The following ZNF395 variants were observed in gnomAD, a reference collection of about 807,000 sequenced individuals.
The protein encoded by ZNF395 is zinc finger protein 395, also known as HD gene regulatory region-binding protein 2.
A neutral mutation model predicts 57.7 loss-of-function variants in ZNF395; 20 were observed. The observed-to-expected ratio is 0.35, with a 90% CI of 0.24 to 0.50. The LOEUF (loss-of-function observed/expected upper bound fraction) is 0.50, where lower values mean the gene tolerates loss of function less well. ZNF395 is among the 20% of genes least tolerant of loss of function. The pLI is 0.97. For missense variants in ZNF395, 606 were observed against 671.2 expected, an observed-to-expected ratio of 0.90 and a Z score of 1.07; for synonymous variants, 295 against 275.9, an observed-to-expected ratio of 1.07 and a Z score of -0.69.
chr8:28,364,320 G>C (rs1484373178), intron 1 of ZNF395, among the ~76,000 whole-genome samples: 1 of 152,212 alleles, frequency 6.6e-6, no homozygotes, highest in South Asian at 2.1e-4. Flanking sequence ...TCATCAACTT[G>C]GTGTTTTTTT....
At position 28,348,491 on chromosome 8, in the gene ZNF395, G is replaced by A; in HGVS notation, c.*228C>T. On this transcript the variant is annotated 3_prime_UTR_variant, in exon 10 of 10. Transcript: ENST00000344423. ...TGCTGAATAGCCTTGGTCAGTTTTG[G>A]CTCTCTCCTATTTTAGGGGGAAAAA... The A allele has an allele frequency of 4.0e-6, 2 of 494,026 alleles. No individual in the cohort carries two copies. The highest frequency in any genetic ancestry group is 2.0e-5 in the South Asian group (1 of 48,834). 30.6% of individuals were successfully genotyped at this position (494,026 alleles called of 1,614,324 possible). A position where few individuals can be genotyped will look rare whatever the true frequency, so the allele number is the denominator to read the frequency against.
rs1327174473 is a variant in ZNF395 at position 28,371,421 on chromosome 8, T to C, written c.-58-10239A>G. ...TTCTCGAATTCCTGGGCTCAATCGATCCTCCTGCCTCGGCCTTCTAAAGTG... is the reference window on the plus strand; with the variant it reads ...TTCTCGAATTCCTGGGCTCAATCGACCCTCCTGCCTCGGCCTTCTAAAGTG... On this transcript the variant is annotated intron_variant, in intron 1 of 9. Transcript: ENST00000344423. 5.3e-5 allele frequency among the ~76,000 whole-genome samples: 8 copies of C among 152,274 alleles called. No homozygotes were observed. In the South Asian group the frequency reaches 1.7e-3, roughly 32 times the overall value.
At chr8:28,364,653 CA>C (rs1221074238) in intron 1 of ZNF395, among the ~76,000 whole-genome samples, 2,151 of 44,138 alleles carry the variant, frequency 0.049, 24 homozygotes, top group African/African-American at 0.15. Context: ...GACTCCGTCT[CA>C]AAAAAAAAAA....
intron 1 of ZNF395, among the ~76,000 whole-genome samples, chr8:28,371,429 C>T (rs542158048): frequency 1.3e-5 from 2 of 152,338 alleles, no homozygotes; most frequent in African/African-American, 4.8e-5. Context: ...GATCCTCCTG[C>T]CTCGGCCTTC....
At chr8:28,384,216 G>A in intron 1 of ZNF395, among the ~76,000 whole-genome samples, 1 of 152,214 alleles carries the variant, frequency 6.6e-6, no homozygotes, top group South Asian at 2.1e-4. Context: ...TGTCTCCTTA[G>A]GACACACAGG....
chr8:28,350,235 G>T, intron 7 of ZNF395, 79 bp from the exon 8 acceptor site: 2 of 1,212,670 alleles, frequency 1.6e-6, no homozygotes, highest in South Asian at 1.4e-5. Context: ...ACAGCCTCAT[G>T]ACAGCAGCAG....
rs571284552 is a variant in ZNF395 at position 28,348,681 on chromosome 8, C to T, written c.*38G>A. On this transcript the variant is annotated 3_prime_UTR_variant, in exon 10 of 10. Transcript: ENST00000344423. ...ACACTGGCCTCTTGTCAGTGGCTGCCGGCAGGGCCAGGAACAGAGTAGAAC... is the reference window on the plus strand; with the variant it reads ...ACACTGGCCTCTTGTCAGTGGCTGCTGGCAGGGCCAGGAACAGAGTAGAAC... 6.9e-6 allele frequency: 11 copies of T among 1,587,408 alleles called. No individual in the cohort carries two copies. Among genetic ancestry groups the T allele is most frequent in the Middle Eastern group, 1.7e-4 (1 of 6,022 alleles).
intron 1 of ZNF395, among the ~76,000 whole-genome samples, chr8:28,370,319 T>C (rs76026562): frequency 0.012 from 1,820 of 152,226 alleles, 38 homozygotes; most frequent in African/African-American, 0.041. Context: ...AAGATTTAAA[T>C]ACATAGTGGA....
chr8:28,364,905 T>C (rs1363581759), intron 1 of ZNF395, among the ~76,000 whole-genome samples: 2 of 152,248 alleles, frequency 1.3e-5, no homozygotes, highest in African/African-American at 2.4e-5. Flanking sequence ...CGCTTTAATC[T>C]GACCCTGTTA....
chr8:28,349,143 C>T lies in ZNF395; in HGVS notation c.1412G>A (p.Arg471Gln), dbSNP rs1377553927. 11 of 1,565,544 alleles carry T rather than the reference C, an allele frequency of 7.0e-6. No homozygotes were observed. Among genetic ancestry groups the T allele is most frequent in the Non-Finnish European group, 8.6e-6 (10 of 1,157,524 alleles). Residue 471 changes from arginine (R) to glutamine (Q), a missense_variant, in exon 9 of 10, where the codon CGG (arginine) becomes CAG (glutamine). Coordinates refer to ENST00000344423, the MANE Select transcript of ZNF395 (RefSeq NM_018660.3). ...ATCTCACCTGGCACCACTCTGGGCC[C>T]GGGGTGGAGAAGTGACGATCAGATG... is the stretch of plus-strand genomic sequence containing the variant. ...KSHLIVTSPP[R>Q]AQSGARKARG...
Position 28,361,042 on chromosome 8 carries a change from G to T in ZNF395, c.83C>A (p.Pro28His), listed in dbSNP as rs567392574. ...TGGCTCCGAGGGTGGGGCAGCCGAG[G>T]GCCCCTCCGAGGCACTGGGTCCCAA... The part of the protein sequence containing the change: ...RVLGPSASEG[P>H]SAAPPSEPLL... The change falls in exon 2 of 10, where the codon CCC becomes CAC. Residue 28 changes from proline to histidine, a missense_variant. By Grantham distance (77) the Pro-to-His change is moderately conservative. Coordinates refer to ENST00000344423, the MANE Select transcript of ZNF395 (RefSeq NM_018660.3). 85 of 1,609,928 alleles carry T rather than the reference G, an allele frequency of 5.3e-5. No homozygotes were observed. In the South Asian group the frequency reaches 8.5e-4, roughly 16 times the overall value.
chr8:28,370,060 A>C (rs1159508033), intron 1 of ZNF395, among the ~76,000 whole-genome samples: 1 of 152,274 alleles, frequency 6.6e-6, no homozygotes, highest in East Asian at 1.9e-4. Context: ...AAAATGAAAA[A>C]AACATTCAGC....
At chr8:28,372,255 T>C (rs1014656740) in intron 1 of ZNF395, among the ~76,000 whole-genome samples, 4 of 152,068 alleles carry the variant, frequency 2.6e-5, no homozygotes, top group Non-Finnish European at 5.9e-5. Flanking sequence ...CTCCCCTTCC[T>C]AGAGATTCTG....
At chr8:28,369,794 A>T (rs540358273) in intron 1 of ZNF395, among the ~76,000 whole-genome samples, 74 of 152,374 alleles carry the variant, frequency 4.9e-4, no homozygotes, top group African/African-American at 1.8e-3. Flanking sequence ...CCAGAGCAGA[A>T]AAAGCCCAGC....
At chr8:28,358,754 T>G (rs1449677552) in intron 3 of ZNF395, among the ~76,000 whole-genome samples, 1 of 152,196 alleles carries the variant, frequency 6.6e-6, no homozygotes, top group Non-Finnish European at 1.5e-5. Flanking sequence ...AAGAAGGATA[T>G]AATTTCTTGA....
chr8:28,376,158 AGAGATGGGGTTT>A (rs1802037780), intron 1 of ZNF395, among the ~76,000 whole-genome samples: 1 of 151,826 alleles, frequency 6.6e-6, no homozygotes. Flanking sequence ...TATTTTTTAT[AGAGATGGGGTTT>A]CACCATGTTG....
rs1310418300 is a variant in ZNF395 at position 28,350,675 on chromosome 8, TAAGCGGCC to T, written c.1234-527_1234-520del. 2.6e-5 allele frequency among the ~76,000 whole-genome samples: 4 copies of T among 152,372 alleles called. No individual in the cohort carries two copies. The South Asian group carries it at 8.3e-4, about 32-fold the overall frequency. On this transcript the variant is annotated intron_variant, in intron 7 of 9. Coordinates refer to ENST00000344423, the MANE Select transcript of ZNF395 (RefSeq NM_018660.3). ...CCAAGTGGGCCAAACATGAAATCGCTAAGCGGCCACTCATTCTAACAAGGAGGAGGGCT... is the reference window on the plus strand; with the variant it reads ...CCAAGTGGGCCAAACATGAAATCGCTACTCATTCTAACAAGGAGGAGGGCT...
Position 28,348,259 on chromosome 8 carries a change from CTT to C in ZNF395, c.*458_*459del, listed in dbSNP as rs58805614. The C allele has an allele frequency of 7.2e-4, 65 of 90,456 alleles. No homozygotes were observed. The highest frequency in any genetic ancestry group is 1.7e-3 in the South Asian group (4 of 2,354). 5.6% of individuals were successfully genotyped at this position (90,456 alleles called of 1,614,324 possible). A position where few individuals can be genotyped will look rare whatever the true frequency, so the allele number is the denominator to read the frequency against. On this transcript the variant is annotated 3_prime_UTR_variant, in exon 10 of 10. Coordinates refer to ENST00000344423, the MANE Select transcript of ZNF395 (RefSeq NM_018660.3). ...CTGAGTCACCCATCAGCCAGAAACT[CTT>C]TTTTTTTTTTTTTTTTTTTTTTTTT...
At chr8:28,350,259 G>T in intron 7 of ZNF395, 103 bp from the exon 8 acceptor site, 1 of 972,016 alleles carries the variant, frequency 1.0e-6, no homozygotes, top group Non-Finnish European at 1.5e-6. Context: ...GTGCATCTCT[G>T]CGTAAGTGCA....
Sources: allele counts gnomAD v4.1 joint callset (sites outside exome capture counted in the v4.1 genomes callset), GRCh38; gene constraint gnomAD v4.1.1; transcripts MANE v1.5; gene names NCBI Gene and HGNC (gene_info 2026-07-23, HGNC 2026-07-21).